EFCAB6: variants seen among roughly 807,000 people sequenced by gnomAD.
EFCAB6 encodes EF-hand calcium-binding domain-containing protein 6.
A neutral mutation model predicts 169.8 loss-of-function variants in EFCAB6; 156 were observed. The ratio of observed to expected loss-of-function variants is 0.92; its 90% confidence interval spans 0.81 to 1.05. The LOEUF is 1.05. Among genes scored for constraint, EFCAB6 ranks in the 50% least tolerant of loss-of-function variants. EFCAB6 has a pLI of 0.00. For missense variants in EFCAB6, 1,800 were observed against 1,829.1 expected (o/e 0.98, Z 0.29); for synonymous variants, 698 against 676.4 (o/e 1.03, Z -0.50).
chr22:43,542,992 C>T lies in EFCAB6; in HGVS notation c.3649-2635G>A, dbSNP rs189627919. 1.3e-4 allele frequency among the ~76,000 whole-genome samples: 20 copies of T among 152,282 alleles called. 1 individual carries two copies. The East Asian group carries it at 1.9e-3, about 15-fold the overall frequency. ...CAGCTGAACCCTGAGAAAGACACCA[C>T]CATGGGTTCCCACTCTGCTTACGAT... is the stretch of plus-strand genomic sequence containing the variant. On this transcript the variant is annotated intron_variant, in intron 27 of 31. Transcript: ENST00000262726.
chr22:43,590,370 G>A (rs1297990010), intron 23 of EFCAB6, 141 bp from the exon 24 acceptor site: 40 of 839,660 alleles, frequency 4.8e-5, no homozygotes, highest in Non-Finnish European at 7.0e-5. Flanking sequence ...TACAGCCTCA[G>A]TGTAATACTG....
At chr22:43,799,764 C>T (rs1181378220) in intron 2 of EFCAB6, among the ~76,000 whole-genome samples, 2 of 152,190 alleles carry the variant, frequency 1.3e-5, no homozygotes, top group Non-Finnish European at 2.9e-5. Flanking sequence ...CCAGAACTCT[C>T]ATATGAAGAC....
At position 43,757,177 on chromosome 22, in the gene EFCAB6, C is replaced by T. The variant is rs151163433; in HGVS notation, c.441-1345G>A. On this transcript the variant is annotated intron_variant, in intron 5 of 31. Coordinates refer to ENST00000262726, the MANE Select transcript of EFCAB6 (RefSeq NM_022785.4). Reference sequence around the variant, plus strand: ...TCAGGAATTCAAATCTATAATGCTACGTTAAATGTAATCTCTTAAATACTG... The same window carrying T: ...TCAGGAATTCAAATCTATAATGCTATGTTAAATGTAATCTCTTAAATACTG... Among the ~76,000 whole-genome samples the T allele has an allele frequency of 4.2e-4, 64 of 152,280 alleles. 1 individual carries two copies. The Middle Eastern group carries it at 0.02, about 49-fold the overall frequency.
intron 26 of EFCAB6, among the ~76,000 whole-genome samples, chr22:43,558,874 G>A (rs954799982): frequency 1.3e-5 from 2 of 152,086 alleles, no homozygotes; most frequent in Non-Finnish European, 2.9e-5. Context: ...ATTTTATTGC[G>A]ATATTTGCTT....
At chr22:43,561,064 C>T (rs1334721282) in intron 26 of EFCAB6, among the ~76,000 whole-genome samples, 4 of 152,158 alleles carry the variant, frequency 2.6e-5, no homozygotes, top group Non-Finnish European at 5.9e-5. Context: ...CTATAGAAAA[C>T]TTAGAAACTA....
chr22:43,632,708 A>G (rs1006172336), intron 18 of EFCAB6, among the ~76,000 whole-genome samples: 8 of 152,122 alleles, frequency 5.3e-5, no homozygotes, highest in Non-Finnish European at 1.0e-4. Context: ...TTTTCTTACT[A>G]TCTAGTTTCT....
chr22:43,726,982 G>GA (rs1222338512), intron 8 of EFCAB6, among the ~76,000 whole-genome samples: 3 of 152,076 alleles, frequency 2.0e-5, no homozygotes, highest in Non-Finnish European at 2.9e-5. Flanking sequence ...TTATGAGACA[G>GA]AAAAAACCTC....
chr22:43,636,115 A>G (rs931228903), intron 17 of EFCAB6, among the ~76,000 whole-genome samples: 1 of 152,264 alleles, frequency 6.6e-6, no homozygotes, highest in African/African-American at 2.4e-5. Context: ...AAGGGGCCAA[A>G]GACGTCCAGG....
At chr22:43,656,601 A>T (rs2056755842) in intron 17 of EFCAB6, among the ~76,000 whole-genome samples, 1 of 152,208 alleles carries the variant, frequency 6.6e-6, no homozygotes, top group African/African-American at 2.4e-5. Context: ...ACAAATACTT[A>T]TCATTGCATT....
At chr22:43,635,710 G>T (rs1024627885) in intron 17 of EFCAB6, among the ~76,000 whole-genome samples, 1 of 152,166 alleles carries the variant, frequency 6.6e-6, no homozygotes, top group African/African-American at 2.4e-5. Flanking sequence ...ATCCATGAAT[G>T]CTCTTTTTTC....
rs761510815 is a variant in EFCAB6, at chr22:43,537,431, A to G, written c.3994T>C (p.Cys1332Arg). 2.9e-5 allele frequency: 46 copies of G among 1,613,898 alleles called. No homozygotes were observed. Among genetic ancestry groups the G allele is most frequent in the Non-Finnish European group, 3.6e-5 (43 of 1,180,020 alleles). ...QGCWRQLLKE[C>R]KEKDVARQGD... ...TGTCTGGCCACGTCCTTCTCCTTGC[A>G]TTCTTTCAGGAGCTGGCGCCAGCAG... The change falls in exon 29 of 32, where the codon TGC becomes CGC. Residue 1332 changes from cysteine (C) to arginine (R), a missense_variant. Cys to Arg is a radical substitution (Grantham distance 180). Transcript: ENST00000262726. The surrounding 1 kb of genome is among the most constrained non-coding windows in gnomAD (Gnocchi z 4.3).
intron 2 of EFCAB6, among the ~76,000 whole-genome samples, chr22:43,787,515 T>G (rs1449261031): frequency 1.3e-5 from 2 of 152,120 alleles, no homozygotes; most frequent in Non-Finnish European, 2.9e-5. Flanking sequence ...ATTTACAATA[T>G]CATCAAAAAG....
chr22:43,636,398 A>C lies in EFCAB6; in HGVS notation c.1984-1182T>G, dbSNP rs555881880. On this transcript the variant is annotated intron_variant, in intron 17 of 31. Transcript: ENST00000262726. ...GCCCTCATCATGGTCACTGCGCAGCACCCCTTAGTGCCCGTGTGTGCCAGG... is the reference window on the plus strand; with the variant it reads ...GCCCTCATCATGGTCACTGCGCAGCCCCCCTTAGTGCCCGTGTGTGCCAGG... Among the ~76,000 whole-genome samples the C allele has an allele frequency of 4.0e-5, 6 of 151,894 alleles. No homozygotes were observed. The South Asian group carries it at 6.2e-4, about 16-fold the overall frequency.
At chr22:43,530,729 G>T in intron 31 of EFCAB6, 86 bp downstream of exon 31, 1 of 1,584,670 alleles carries the variant, frequency 6.3e-7, no homozygotes, top group Non-Finnish European at 8.6e-7. Flanking sequence ...TCGGCAGCAG[G>T]TAGAGGGCTC....
intron 9 of EFCAB6, among the ~76,000 whole-genome samples, chr22:43,712,720 G>A (rs2059204128): frequency 6.6e-6 from 1 of 152,084 alleles, no homozygotes; most frequent in Non-Finnish European, 1.5e-5. Flanking sequence ...GTGTGTAGCG[G>A]GGGCTCGGTG....
intron 17 of EFCAB6, among the ~76,000 whole-genome samples, chr22:43,650,947 G>C (rs1440120798): frequency 6.6e-6 from 1 of 152,190 alleles, no homozygotes; most frequent in Admixed American, 6.5e-5. Flanking sequence ...GGTGACTTGG[G>C]TGATGTTAAA....
chr22:43,725,460 GACTC>G (rs2059695200), intron 8 of EFCAB6, among the ~76,000 whole-genome samples: 1 of 152,132 alleles, frequency 6.6e-6, no homozygotes, highest in Non-Finnish European at 1.5e-5. Context: ...TTTTATAACA[GACTC>G]ACTGTTATGA....
chr22:43,728,078 G>A (rs192124877), intron 8 of EFCAB6, among the ~76,000 whole-genome samples: 1 of 151,740 alleles, frequency 6.6e-6, no homozygotes, highest in Non-Finnish European at 1.5e-5. Context: ...CCCACCCCAT[G>A]ACAGGCCCCA....
chr22:43,784,040 G>C (rs1356136494), intron 2 of EFCAB6, among the ~76,000 whole-genome samples: 14 of 152,124 alleles, frequency 9.2e-5, no homozygotes, highest in Admixed American at 9.2e-4. Context: ...CTGCACTCCA[G>C]CCTGGGCAAC....
Sources: allele counts gnomAD v4.1 joint callset (sites outside exome capture counted in the v4.1 genomes callset), GRCh38; gene constraint gnomAD v4.1.1; non-coding constraint Gnocchi (gnomAD v3.1); transcripts MANE v1.5; gene names NCBI Gene and HGNC (gene_info 2026-07-23, HGNC 2026-07-21).